KIRREL3: variants seen among roughly 807,000 people sequenced by gnomAD.
The protein encoded by KIRREL3 is kin of IRRE-like protein 3.
A neutral mutation model predicts 89.7 loss-of-function variants in KIRREL3; 36 were observed. The ratio of observed to expected loss-of-function variants is 0.40; its 90% confidence interval spans 0.31 to 0.53. The LOEUF is 0.53. KIRREL3 is among the 20% of genes least tolerant of loss of function. KIRREL3 has a pLI of 0.49. For synonymous variants in KIRREL3, 445 were observed against 441.4 expected (o/e 1.01, Z -0.10); for missense variants, 864 against 1,056.6 (o/e 0.82, Z 2.53).
In KIRREL3 at chr11:126,501,872, G is replaced by A. The variant is rs536863645; in HGVS notation, c.433+19443C>T. On this transcript the variant is annotated intron_variant, in intron 4 of 16. Transcript: ENST00000525144. The surrounding 1 kb of genome is among the most constrained non-coding windows in gnomAD (Gnocchi z 5.8). Reference sequence around the variant, plus strand: ...GGCCAGGTGAGGGGTGGAAAACATCGATACCAGTGACTTACATGCACCCAG... The same window carrying A: ...GGCCAGGTGAGGGGTGGAAAACATCAATACCAGTGACTTACATGCACCCAG... Among the ~76,000 whole-genome samples, 2 of 152,180 alleles carry A rather than the reference G, an allele frequency of 1.3e-5. No homozygotes were observed. The highest frequency in any genetic ancestry group is 1.9e-4 in the East Asian group (1 of 5,162).
At position 126,570,667 on chromosome 11, in the gene KIRREL3, C is replaced by G. The variant is rs1228571743; in HGVS notation, c.56-7755G>C. ...CCTGCCTTCTCCAGCCTGCTCCAGC[C>G]ATGCCATTATTTGGCTGGCATAGCT... On this transcript the variant is annotated intron_variant, in intron 1 of 16. Transcript: ENST00000525144. The surrounding 1 kb of genome is among the most constrained non-coding windows in gnomAD (Gnocchi z 6.1). 6.6e-6 allele frequency among the ~76,000 whole-genome samples: 1 copy of G among 152,204 alleles called. No individual in the cohort carries two copies. Among genetic ancestry groups the G allele is most frequent in the Non-Finnish European group, 1.5e-5 (1 of 68,034 alleles).
rs1351007195 is a variant in KIRREL3, at chr11:126,429,561, C to T, written c.1697-273G>A. 1.3e-5 allele frequency among the ~76,000 whole-genome samples: 2 copies of T among 152,246 alleles called. No individual in the cohort carries two copies. The highest frequency in any genetic ancestry group is 4.8e-5 in the African/African-American group (2 of 41,470). ...CCTTGGCTTGAAAGATCGTCTTCAGCCACTTGTCCGCCTTACTGAGCTAGG... is the reference window on the plus strand; with the variant it reads ...CCTTGGCTTGAAAGATCGTCTTCAGTCACTTGTCCGCCTTACTGAGCTAGG... On this transcript the variant is annotated intron_variant, in intron 14 of 16. Coordinates refer to ENST00000525144, the MANE Select transcript of KIRREL3 (RefSeq NM_032531.4). This position sits in a 1 kb window ranked among gnomAD's most constrained non-coding sequence, Gnocchi z 5.2.
rs1282212263 is a variant in KIRREL3 at position 126,610,070 on chromosome 11, C to A, written c.56-47158G>T. Reference sequence around the variant, plus strand: ...GTTTCAGTTACAAAGTTAGGCCTGACCTGACTCCAAAATCTGTGCTGTTAA... The same window carrying A: ...GTTTCAGTTACAAAGTTAGGCCTGAACTGACTCCAAAATCTGTGCTGTTAA... On this transcript the variant is annotated intron_variant, in intron 1 of 16. Transcript: ENST00000525144. The surrounding 1 kb of genome is among the most constrained non-coding windows in gnomAD (Gnocchi z 4.6). Among the ~76,000 whole-genome samples the A allele has an allele frequency of 6.6e-6, 1 of 152,146 alleles. No homozygotes were observed. The highest frequency in any genetic ancestry group is 1.9e-4 in the East Asian group (1 of 5,196).
intron 2 of KIRREL3, among the ~76,000 whole-genome samples, chr11:126,560,234 T>G (rs538713905): frequency 5.3e-5 from 8 of 151,852 alleles, no homozygotes; most frequent in Admixed American, 2.6e-4. Context: ...TTGTATCTCC[T>G]TTTGATGGCT....
intron 1 of KIRREL3, among the ~76,000 whole-genome samples, chr11:126,767,846 A>T (rs943794718): frequency 1.3e-5 from 2 of 152,248 alleles, no homozygotes; most frequent in African/African-American, 4.8e-5. Context: ...TATGTGGCTG[A>T]CAATTTGATT....
Position 126,989,695 on chromosome 11 carries a change from G to A in KIRREL3, c.55+10760C>T, listed in dbSNP as rs1949968160. On this transcript the variant is annotated intron_variant, in intron 1 of 16. Coordinates refer to ENST00000525144, the MANE Select transcript of KIRREL3 (RefSeq NM_032531.4). This position sits in a 1 kb window ranked among gnomAD's most constrained non-coding sequence, Gnocchi z 6.2. Reference sequence around the variant, plus strand: ...GCCATCCCCTTGGAGGTAAAGAAAGGCATGACGAAGTCTTAGGGCCAACAG... The same window carrying A: ...GCCATCCCCTTGGAGGTAAAGAAAGACATGACGAAGTCTTAGGGCCAACAG... Among the ~76,000 whole-genome samples, 1 of 152,172 alleles carries A rather than the reference G, an allele frequency of 6.6e-6. No homozygotes were observed. The highest frequency in any genetic ancestry group is 1.5e-5 in the Non-Finnish European group (1 of 68,028).
chr11:126,956,100 G>T (rs1229279773), intron 1 of KIRREL3, among the ~76,000 whole-genome samples: 1 of 152,090 alleles, frequency 6.6e-6, no homozygotes, highest in Non-Finnish European at 1.5e-5. Context: ...ATTCCTACCA[G>T]CTTCCTAGAC....
At chr11:126,444,547 C>A (rs539850101) in intron 10 of KIRREL3, among the ~76,000 whole-genome samples, 91 of 152,322 alleles carry the variant, frequency 6.0e-4, no homozygotes, top group Non-Finnish European at 1.2e-3. Context: ...GAGCTGAGAT[C>A]GTGCCACTGC....
At chr11:126,847,722 G>C (rs1944196250) in intron 1 of KIRREL3, among the ~76,000 whole-genome samples, 1 of 152,138 alleles carries the variant, frequency 6.6e-6, no homozygotes. Flanking sequence ...TCAGAGTTAA[G>C]AAAACTCTTC....
rs374136549 is a variant in KIRREL3, at chr11:126,536,247, G to A, written c.134-9560C>T. On this transcript the variant is annotated intron_variant, in intron 2 of 16. Transcript: ENST00000525144. ...TCGTCTTTGGGGTCCAAAGGCCTTG[G>A]TACTATGGTGTGTGTGTCTGTGTGT... Among the ~76,000 whole-genome samples the A allele has an allele frequency of 6.6e-5, 10 of 151,108 alleles. No individual in the cohort carries two copies. The East Asian group carries it at 1.9e-3, about 29-fold the overall frequency.
intron 1 of KIRREL3, among the ~76,000 whole-genome samples, chr11:126,644,515 G>A (rs575513405): frequency 1.3e-5 from 2 of 152,320 alleles, no homozygotes; most frequent in South Asian, 4.2e-4. Context: ...ACCTGAGGAG[G>A]TCAGAGGCTT....
chr11:126,451,119 GTGTGTGCA>G (rs1202848165), intron 7 of KIRREL3, among the ~76,000 whole-genome samples: 13 of 151,284 alleles, frequency 8.6e-5, no homozygotes, highest in African/African-American at 3.2e-4. Context: ...GTGCATGTGT[GTGTGTGCA>G]TGTGCATGTG....
In KIRREL3 at chr11:126,449,087, A is replaced by G. The variant is rs1457867799; in HGVS notation, c.919T>C (p.Tyr307His). 9.3e-6 allele frequency: 15 copies of G among 1,613,888 alleles called. No individual in the cohort carries two copies. Among genetic ancestry groups the G allele is most frequent in the Non-Finnish European group, 1.2e-5 (14 of 1,179,882 alleles). Residue 307 changes from tyrosine (Y) to histidine (H), a missense_variant, in exon 8 of 17, where the codon TAC becomes CAC. Physicochemically the swap from Tyr to His is moderately conservative, Grantham distance 83. Transcript: ENST00000525144. ...TCACAGGAGACGGGCTCTGAGAAGT[A>G]CGTGTAGTCCACTGTGGTCCTGTAC... The part of the protein sequence containing the change: ...EVYRTTVDYT[Y>H]FSEPVSCEVT...
Position 126,879,408 on chromosome 11 carries a change from C to T in KIRREL3, c.55+121047G>A, listed in dbSNP as rs375556841. Among the ~76,000 whole-genome samples the T allele has an allele frequency of 9.2e-5, 14 of 152,280 alleles. No homozygotes were observed. In the East Asian group the frequency reaches 9.6e-4, roughly 10 times the overall value. Reference sequence around the variant, plus strand: ...TCTTTTTTGTGGCAGCCAGCTGTACCGGAGAAGCAGCTGATGAGGTTGCAG... The same window carrying T: ...TCTTTTTTGTGGCAGCCAGCTGTACTGGAGAAGCAGCTGATGAGGTTGCAG... On this transcript the variant is annotated intron_variant, in intron 1 of 16. Coordinates refer to ENST00000525144, the MANE Select transcript of KIRREL3 (RefSeq NM_032531.4). The surrounding 1 kb of genome is among the most constrained non-coding windows in gnomAD (Gnocchi z 5.4).
At chr11:126,602,176 A>G (rs1942689758) in intron 1 of KIRREL3, among the ~76,000 whole-genome samples, 1 of 152,110 alleles carries the variant, frequency 6.6e-6, no homozygotes, top group African/African-American at 2.4e-5. Context: ...TTGCCTTTTG[A>G]TGAAAGCCTA....
chr11:126,480,509 A>AT (rs1203061442), intron 4 of KIRREL3, among the ~76,000 whole-genome samples: 3 of 152,234 alleles, frequency 2.0e-5, no homozygotes, highest in African/African-American at 7.2e-5. Context: ...CCACACAGCC[A>AT]TAAGTGGTGA....
intron 1 of KIRREL3, among the ~76,000 whole-genome samples, chr11:126,838,717 A>G (rs1943858332): frequency 2.0e-5 from 3 of 152,326 alleles, no homozygotes; most frequent in Admixed American, 2.0e-4. Context: ...AGACAGTGGT[A>G]AATGGAATTT....
In KIRREL3 at chr11:126,463,280, T is replaced by C. The variant is rs781160645; in HGVS notation, c.619A>G (p.Ser207Gly). 13 of 1,613,104 alleles carry C rather than the reference T, an allele frequency of 8.1e-6. No homozygotes were observed. Among genetic ancestry groups the C allele is most frequent in the Non-Finnish European group, 1.1e-5 (13 of 1,179,532 alleles). The change falls in exon 6 of 17, where the codon AGC becomes GGC. Residue 207 changes from serine (S) to glycine (G), a missense_variant. Ser to Gly is a moderately conservative substitution (Grantham distance 56). Coordinates refer to ENST00000525144, the MANE Select transcript of KIRREL3 (RefSeq NM_032531.4). The surrounding 1 kb of genome is among the most constrained non-coding windows in gnomAD (Gnocchi z 5.9). ...KTLLRDGKRE[S>G]IVSTLFISPG... The stretch of plus-strand genomic sequence containing the variant: ...GAGATGAAGAGGGTGCTGACGATGC[T>C]CTCCCGCTTGCCGTCCCGAAGCAGG...
At position 126,773,233 on chromosome 11, in the gene KIRREL3, T is replaced by G. The variant is rs199928231; in HGVS notation, c.56-210321A>C. Among the ~76,000 whole-genome samples, 29 of 152,280 alleles carry G rather than the reference T, an allele frequency of 1.9e-4. No homozygotes were observed. The East Asian group carries it at 5.6e-3, about 29-fold the overall frequency. ...AACATTCTGGATGTTTCTGTGAAGGTGTTTCAGGATGAGGTTAACACTCTT... is the reference window on the plus strand; with the variant it reads ...AACATTCTGGATGTTTCTGTGAAGGGGTTTCAGGATGAGGTTAACACTCTT... On this transcript the variant is annotated intron_variant, in intron 1 of 16. Transcript: ENST00000525144. This position sits in a 1 kb window ranked among gnomAD's most constrained non-coding sequence, Gnocchi z 4.2.
Sources: allele counts gnomAD v4.1 joint callset (sites outside exome capture counted in the v4.1 genomes callset), GRCh38; gene constraint gnomAD v4.1.1; non-coding constraint Gnocchi (gnomAD v3.1); transcripts MANE v1.5; gene names NCBI Gene and HGNC (gene_info 2026-07-23, HGNC 2026-07-21).